The following CERS3 variants were observed in gnomAD, a reference collection of about 807,000 sequenced individuals.
CERS3 encodes LAG1 homolog, ceramide synthase 3.
A neutral mutation model predicts 50.3 loss-of-function variants in CERS3; 33 were observed. The observed-to-expected ratio is 0.66, with a 90% confidence interval of 0.50 to 0.88. CERS3 has a LOEUF of 0.88. Ranked by LOEUF, CERS3 falls within the 40% of genes least tolerant of loss-of-function variation. The pLI is 0.00. For missense variants in CERS3, 470 were observed against 460.3 expected (o/e 1.02, Z -0.19); for synonymous variants, 176 against 155.2 (o/e 1.13, Z -0.99).
intron 11 of CERS3, among the ~76,000 whole-genome samples, chr15:100,414,989 T>C (rs1023802270): frequency 6.6e-6 from 1 of 151,778 alleles, no homozygotes. Context: ...ATAACGAGAG[T>C]TAACAGGCAA....
intron 11 of CERS3, among the ~76,000 whole-genome samples, chr15:100,418,900 C>T (rs550949886): frequency 7.2e-5 from 11 of 151,956 alleles, no homozygotes; most frequent in African/African-American, 2.4e-4. Flanking sequence ...TTGTCACCAC[C>T]AGGCCTGCCT....
At chr15:100,501,609 A>C in intron 3 of CERS3, 68 bp downstream of exon 3, 1 of 1,359,670 alleles carries the variant, frequency 7.4e-7, no homozygotes, top group Admixed American at 1.8e-5. Flanking sequence ...CACTAAGCCT[A>C]AGACTGTATT....
At chr15:100,533,524 C>T (rs1596826025), upstream of CERS3, among the ~76,000 whole-genome samples, 1 of 149,220 alleles carries the variant, frequency 6.7e-6, no homozygotes. Flanking sequence ...CTTTCTTTCT[C>T]TTTCGTTCCT....
intron 3 of CERS3, 121 bp downstream of exon 3, chr15:100,501,556 C>A (rs2035997400): frequency 3.9e-6 from 3 of 774,178 alleles, no homozygotes; most frequent in South Asian, 2.0e-5. Flanking sequence ...GAATCTGTGG[C>A]CCATTAGTGG....
chr15:100,428,120 T>TA (rs1463920915), intron 11 of CERS3, among the ~76,000 whole-genome samples: 1 of 152,200 alleles, frequency 6.6e-6, no homozygotes, highest in African/African-American at 2.4e-5. Context: ...ACAAATTTGC[T>TA]ACAATCTCAT....
intron 10 of CERS3, among the ~76,000 whole-genome samples, chr15:100,460,750 C>T (rs111582396): frequency 6.6e-6 from 1 of 152,310 alleles, no homozygotes; most frequent in Admixed American, 6.5e-5. Context: ...CTTACTAGGT[C>T]CCCTATTGGG....
chr15:100,479,571 A>T (rs2035237419), intron 6 of CERS3, 93 bp from the exon 7 acceptor site: 3 of 905,336 alleles, frequency 3.3e-6, no homozygotes, highest in Admixed American at 2.4e-5. Flanking sequence ...GCTCTTCCTT[A>T]TGTCATTTAC....
chr15:100,497,662 G>T lies in CERS3; in HGVS notation c.173+4015C>A, dbSNP rs144621356. Among the ~76,000 whole-genome samples the T allele has an allele frequency of 1.3e-3, 191 of 152,064 alleles. 1 individual carries two copies. The highest frequency in any genetic ancestry group is 4.1e-3 in the African/African-American group (172 of 41,484). Reference sequence around the variant, plus strand: ...ATGAAGCATAACATTCTTCTCTAGAGGGTCATGTGAGAAATAGCATATGGG... The same window carrying T: ...ATGAAGCATAACATTCTTCTCTAGATGGTCATGTGAGAAATAGCATATGGG... On this transcript the variant is annotated intron_variant, in intron 3 of 11. Coordinates refer to ENST00000679737, the MANE Select transcript of CERS3 (RefSeq NM_001378789.1).
intron 11 of CERS3, among the ~76,000 whole-genome samples, chr15:100,424,154 T>C (rs1351721361): frequency 6.6e-6 from 1 of 152,152 alleles, no homozygotes; most frequent in Non-Finnish European, 1.5e-5. Flanking sequence ...TTGGTCAGGC[T>C]GGTCTTGAAC....
At chr15:100,455,832 C>T in intron 11 of CERS3, 61 bp downstream of exon 11, 1 of 1,087,566 alleles carries the variant, frequency 9.2e-7, no homozygotes, top group Non-Finnish European at 1.3e-6. Context: ...ATTCAACAGT[C>T]CGGGCCTCAC....
At chr15:100,510,279 G>A (rs2036301605) in intron 2 of CERS3, among the ~76,000 whole-genome samples, 1 of 151,808 alleles carries the variant, frequency 6.6e-6, no homozygotes, top group East Asian at 1.9e-4. Context: ...TAAAAAAACT[G>A]AAGAGAGAGA....
At chr15:100,456,365 G>C (rs879687195) in intron 10 of CERS3, among the ~76,000 whole-genome samples, 1 of 152,106 alleles carries the variant, frequency 6.6e-6, no homozygotes, top group Admixed American at 6.5e-5. Context: ...TTACCTTCTG[G>C]TGATGGGGCT....
At chr15:100,522,276 C>A (rs1466409861) in intron 1 of CERS3, among the ~76,000 whole-genome samples, 1 of 152,192 alleles carries the variant, frequency 6.6e-6, no homozygotes, top group East Asian at 1.9e-4. Context: ...TGGTTCCCAA[C>A]CCTGGTTCTA....
At chr15:100,479,208 GGTAGATTTAAACCCAAATAT>G (rs2035225712) in intron 7 of CERS3, among the ~76,000 whole-genome samples, 200 bp downstream of exon 7, 1 of 151,806 alleles carries the variant, frequency 6.6e-6, no homozygotes, top group Non-Finnish European at 1.5e-5. Flanking sequence ...ATAGTAAGAT[GGTAGATTTAAACCCAAATAT>G]GTAATTACAT....
intron 11 of CERS3, among the ~76,000 whole-genome samples, chr15:100,452,160 G>C (rs9972539): frequency 2.7e-5 from 4 of 150,610 alleles, no homozygotes; most frequent in African/African-American, 1.0e-4. Flanking sequence ...TCATCCAATG[G>C]CTATAGAATA....
chr15:100,400,918 C>T lies in CERS3; in HGVS notation c.*1795G>A, dbSNP rs1317490380. 6.6e-6 allele frequency: 1 copy of T among 151,902 alleles called. No individual in the cohort carries two copies. The highest frequency in any genetic ancestry group is 1.5e-5 in the Non-Finnish European group (1 of 67,984). The allele number at this position is 151,902 out of a possible 1,614,324, so 9.4% of individuals were successfully genotyped here. On this transcript the variant is annotated 3_prime_UTR_variant, in exon 12 of 12. Transcript: ENST00000679737. The stretch of plus-strand genomic sequence containing the variant: ...ATGCATATAATGCATATGATATTGT[C>T]CTCATAAAAGCAAATGTTATACAGA...
intron 11 of CERS3, among the ~76,000 whole-genome samples, chr15:100,425,346 G>A (rs1474230183): frequency 2.0e-5 from 3 of 152,192 alleles, no homozygotes; most frequent in Non-Finnish European, 2.9e-5. Flanking sequence ...GAGAGCAGCC[G>A]CTGGTGATGT....
rs116729547 is a variant in CERS3, at chr15:100,403,574, C to T, written c.1000-709G>A. Among the ~76,000 whole-genome samples the T allele has an allele frequency of 5.2e-3, 793 of 152,264 alleles. 7 individuals are homozygous for T. Among genetic ancestry groups the T allele is most frequent in the African/African-American group, 0.018 (760 of 41,566 alleles). On this transcript the variant is annotated intron_variant, in intron 11 of 11. Transcript: ENST00000679737. ...GAAAAAGAAGACATGACTATAGATA[C>T]TGCAGACAATATAAGAATAACAACA...
chr15:100,518,339 G>A (rs925402819), intron 2 of CERS3, among the ~76,000 whole-genome samples: 11 of 152,046 alleles, frequency 7.2e-5, no homozygotes, highest in African/African-American at 2.7e-4. Context: ...CAGAGAGAGA[G>A]AAGGACAGAG....
Sources: gnomAD v4.1 joint callset for allele counts (sites outside exome capture counted in the v4.1 genomes callset) on GRCh38, gnomAD v4.1.1 for gene constraint, MANE v1.5 for transcripts, NCBI Gene and HGNC (gene_info 2026-07-23, HGNC 2026-07-21) for gene names.